The following REXO2 variants were observed in gnomAD, a reference collection of about 807,000 sequenced individuals.
REXO2 encodes the protein RNA exonuclease 2.
REXO2 carries 17 observed loss-of-function variants against 30.9 expected under a neutral mutation model. The ratio of observed to expected loss-of-function variants is 0.55; its 90% CI spans 0.38 to 0.82. REXO2 has a LOEUF of 0.82. Ranked by LOEUF, REXO2 falls within the 40% of genes least tolerant of loss-of-function variation. The probability of loss-of-function intolerance (pLI) is 0.00; values close to 1 mark genes in which losing one functional copy is unlikely to be tolerated. For missense variants in REXO2, 253 were observed against 293.2 expected, an observed-to-expected ratio of 0.86 and a Z score of 1.00; for synonymous variants, 105 against 99.6, an observed-to-expected ratio of 1.05 and a Z score of -0.32.
At chr11:114,443,824 T>G (rs372611718) in intron 2 of REXO2, 32 bp from the exon 3 acceptor site, 4 of 1,536,684 alleles carry the variant, frequency 2.6e-6, no homozygotes, top group Non-Finnish European at 3.6e-6. Context: ...TCCTGTTGTT[T>G]CTTGGTGACT....
At chr11:114,443,639 A>C (rs568468219) in intron 2 of REXO2, among the ~76,000 whole-genome samples, 2 of 151,838 alleles carry the variant, frequency 1.3e-5, no homozygotes, top group Non-Finnish European at 2.9e-5. Flanking sequence ...TGTGTCATCT[A>C]TTTGTAGGAT....
At position 114,443,911 on chromosome 11, in the gene REXO2, G is replaced by C; in HGVS notation, c.287G>C (p.Trp96Ser). Reference protein sequence around the residue: ...PDELLDSMSDWCKEHHGKSGL... With the variant: ...PDELLDSMSDSCKEHHGKSGL... ...GAGTTGCTGGACAGCATGTCAGATTGGTGTAAGGAGCATCACGGGAAGGTA... is the reference window on the plus strand; with the variant it reads ...GAGTTGCTGGACAGCATGTCAGATTCGTGTAAGGAGCATCACGGGAAGGTA... The change falls in exon 3 of 7, where the codon TGG becomes TCG. Residue 96 changes from tryptophan (W) to serine (S), a missense_variant. Coordinates refer to ENST00000265881, the MANE Select transcript of REXO2 (RefSeq NM_015523.4). The C allele has an allele frequency of 1.2e-6, 2 of 1,608,644 alleles. No homozygotes were observed. The highest frequency in any genetic ancestry group is 1.7e-6 in the Non-Finnish European group (2 of 1,177,456).
intron 3 of REXO2, 64 bp from the exon 4 acceptor site, chr11:114,444,476 TG>T: frequency 8.8e-7 from 1 of 1,135,866 alleles, no homozygotes; most frequent in Non-Finnish European, 1.3e-6. Flanking sequence ...ATTTCATTTC[TG>T]GATGCCTTTG....
At chr11:114,446,491 G>T in intron 5 of REXO2, 1 of 154,254 alleles carries the variant, frequency 6.5e-6, no homozygotes, top group Non-Finnish European at 1.4e-5. Flanking sequence ...ATGTGCGTAT[G>T]GACTAGTGAG....
intron 5 of REXO2, among the ~76,000 whole-genome samples, chr11:114,447,249 T>A (rs1341683695): frequency 1.3e-5 from 2 of 152,318 alleles, no homozygotes; most frequent in East Asian, 3.9e-4. Context: ...TTCTGCCATC[T>A]TGGGGAGAAG....
intron 6 of REXO2, among the ~76,000 whole-genome samples, chr11:114,449,644 A>AT (rs1555030071): frequency 6.6e-6 from 1 of 152,022 alleles, no homozygotes; most frequent in African/African-American, 2.4e-5. Context: ...TATTTTACAA[A>AT]TTTTTTTGTC....
At chr11:114,445,770 A>G in intron 4 of REXO2, 1 of 464,762 alleles carries the variant, frequency 2.2e-6, no homozygotes, top group Non-Finnish European at 3.8e-6. Context: ...TTACAAATTT[A>G]TAAGGAGCTA....
At chr11:114,444,011 C>G in intron 3 of REXO2, 78 bp downstream of exon 3, 4 of 962,172 alleles carry the variant, frequency 4.2e-6, no homozygotes, top group Non-Finnish European at 6.6e-6. Context: ...AATCCGATAC[C>G]ATTGTTGGAT....
chr11:114,449,772 A>G lies in REXO2; in HGVS notation c.585-74A>G, dbSNP rs1447904569. Reference sequence around the variant, plus strand: ...TCCATTGTTCTTAAGTCGTTTTTTAAAAGTTGTACTTTTAAAATGATTTTC... The same window carrying G: ...TCCATTGTTCTTAAGTCGTTTTTTAGAAGTTGTACTTTTAAAATGATTTTC... On this transcript the variant is annotated intron_variant, in intron 6 of 6. Transcript: ENST00000265881. 4.7e-6 allele frequency: 7 copies of G among 1,500,322 alleles called. No individual in the cohort carries two copies. In the South Asian group the frequency reaches 5.2e-5, roughly 11 times the overall value. The allele number at this position is 1,500,322 out of a possible 1,614,324, so 92.9% of individuals were successfully genotyped here.
In REXO2 at chr11:114,439,471, A is replaced by G. The variant is rs924590400; in HGVS notation, c.-58A>G. ...CGTGGGTTTGCGACGTTTAGCGACT[A>G]TTGCGCCTGCGCCAGCGCCGGCTGC... On this transcript the variant is annotated 5_prime_UTR_variant, in exon 1 of 7. Transcript: ENST00000265881. 6.3e-7 allele frequency: 1 copy of G among 1,587,084 alleles called. No individual in the cohort carries two copies. The highest frequency in any genetic ancestry group is 1.1e-5 in the South Asian group (1 of 89,268).
intron 5 of REXO2, chr11:114,446,319 A>G (rs1358655747): frequency 5.8e-6 from 2 of 343,042 alleles, no homozygotes; most frequent in Admixed American, 9.1e-5. Context: ...GCACAAAATA[A>G]GTGCTCAATA....
At chr11:114,441,831 A>T in intron 2 of REXO2, 1 of 696,872 alleles carries the variant, frequency 1.4e-6, no homozygotes, top group Non-Finnish European at 2.6e-6. Context: ...ACTGTAGGAG[A>T]ATCATGAGAC....
intron 1 of REXO2, chr11:114,439,984 G>T: frequency 2.0e-6 from 1 of 506,238 alleles, no homozygotes. Flanking sequence ...GGTCACTGGA[G>T]TGGGGGCGGG....
At chr11:114,447,334 ACACT>A (rs1401432961) in intron 5 of REXO2, among the ~76,000 whole-genome samples, 3 of 152,216 alleles carry the variant, frequency 2.0e-5, no homozygotes, top group African/African-American at 4.8e-5. Context: ...CAGTTGACAG[ACACT>A]CAGTGTTCGA....
At chr11:114,445,298 A>G (rs1946504725) in intron 4 of REXO2, 1 of 152,236 alleles carries the variant, frequency 6.6e-6, no homozygotes, top group Non-Finnish European at 1.5e-5. Flanking sequence ...CTGTTCTACC[A>G]GGATTTTTAA....
At position 114,439,472 on chromosome 11, in the gene REXO2, T is replaced by TTGCGCC; in HGVS notation, c.-50_-45dup. The TTGCGCC allele has an allele frequency of 6.3e-7, 1 of 1,587,840 alleles. No individual in the cohort carries two copies. Among genetic ancestry groups the TTGCGCC allele is most frequent in the East Asian group, 2.2e-5 (1 of 44,524 alleles). ...GTGGGTTTGCGACGTTTAGCGACTATTGCGCCTGCGCCAGCGCCGGCTGCG... is the reference window on the plus strand; with the variant it reads ...GTGGGTTTGCGACGTTTAGCGACTATTGCGCCTGCGCCTGCGCCAGCGCCGGCTGCG... On this transcript the variant is annotated 5_prime_UTR_variant, in exon 1 of 7. Transcript: ENST00000265881.
At chr11:114,443,517 CT>C (rs148088427) in intron 2 of REXO2, among the ~76,000 whole-genome samples, 219 of 144,068 alleles carry the variant, frequency 1.5e-3, no homozygotes, top group African/African-American at 1.7e-3. Flanking sequence ...GTCATATGTT[CT>C]TTTTTTTTTT....
intron 3 of REXO2, chr11:114,444,304 C>T (rs1038691673): frequency 2.7e-5 from 17 of 622,714 alleles, no homozygotes; most frequent in Non-Finnish European, 4.1e-5. Context: ...CTTTGAACAC[C>T]GTCTTTTTTG....
chr11:114,444,663 A>G lies in REXO2; in HGVS notation c.421+11A>G. On this transcript the variant is annotated intron_variant, in intron 4 of 6. Coordinates refer to ENST00000265881, the MANE Select transcript of REXO2 (RefSeq NM_015523.4). ...TCTGTCCACTTGCAGGTAAAATCCA[A>G]TCCTGTGTATATCTTATAGTCTTCC... is the stretch of plus-strand genomic sequence containing the variant. 1 of 1,525,068 alleles carries G rather than the reference A, an allele frequency of 6.6e-7. No individual in the cohort carries two copies. The highest frequency in any genetic ancestry group is 8.9e-7 in the Non-Finnish European group (1 of 1,123,508). 94.5% of individuals were successfully genotyped at this position (1,525,068 alleles called of 1,614,324 possible). A position where few individuals can be genotyped will look rare whatever the true frequency, so the allele number is the denominator to read the frequency against.
Sources: allele counts gnomAD v4.1 joint callset (sites outside exome capture counted in the v4.1 genomes callset), GRCh38; gene constraint gnomAD v4.1.1; transcripts MANE v1.5; gene names NCBI Gene and HGNC (gene_info 2026-07-23, HGNC 2026-07-21).